The following TRIM45 variants were observed in gnomAD, a reference collection of about 807,000 sequenced individuals.
TRIM45 encodes tripartite motif containing 45.
In TRIM45, 45 loss-of-function variants were observed where a neutral mutation model predicts 46.7. The ratio of observed to expected loss-of-function variants is 0.96; its 90% CI spans 0.76 to 1.24. TRIM45 has a LOEUF of 1.24. TRIM45 is among the 50% of genes most tolerant of loss of function. The pLI, the probability that TRIM45 is intolerant of heterozygous loss-of-function variation, is 0.00. For synonymous variants in TRIM45, 259 were observed against 285.8 expected (o/e 0.91, Z 0.94); for missense variants, 680 against 728.4 (o/e 0.93, Z 0.77).
chr1:117,122,061 G>T (rs1170933494), upstream of TRIM45: 2 of 441,718 alleles, frequency 4.5e-6, no homozygotes, highest in Non-Finnish European at 4.0e-6. Flanking sequence ...GACCAGAGAG[G>T]CCTCAGGACC....
chr1:117,121,296 G>A lies in TRIM45; in HGVS notation c.-95C>T. The A allele has an allele frequency of 7.0e-7, 1 of 1,435,720 alleles. No individual in the cohort carries two copies. The highest frequency in any genetic ancestry group is 9.3e-7 in the Non-Finnish European group (1 of 1,078,670). The allele number at this position is 1,435,720 out of a possible 1,614,324, so 88.9% of individuals were successfully genotyped here. A position where few individuals can be genotyped will look rare whatever the true frequency, so the allele number is the denominator to read the frequency against. On this transcript the variant is annotated 5_prime_UTR_variant, in exon 1 of 6. Transcript: ENST00000256649. This position sits in a 1 kb window ranked among gnomAD's most constrained non-coding sequence, Gnocchi z 4.2. ...AGCCCACCCAAAGAGAAAGTCTCCAGAACTTGAACAGAGACCATGGGGACT... is the reference window on the plus strand; with the variant it reads ...AGCCCACCCAAAGAGAAAGTCTCCAAAACTTGAACAGAGACCATGGGGACT...
In TRIM45 at chr1:117,116,704, GGGTGAAAGA is replaced by G. The variant is rs1311419296; in HGVS notation, c.1255_1263del (p.Ser419_Thr421del). On this transcript the variant is annotated inframe_deletion, in exon 3 of 6. Coordinates refer to ENST00000256649, the MANE Select transcript of TRIM45 (RefSeq NM_025188.4). The surrounding 1 kb of genome is among the most constrained non-coding windows in gnomAD (Gnocchi z 4.6). ...TCTCCTGCGGCATCCTTACAAAGCAGGGTGAAAGAGGCCGTCTGTTTCTCCCGGGCTCTG... is the reference window on the plus strand; with the variant it reads ...TCTCCTGCGGCATCCTTACAAAGCAGGGCCGTCTGTTTCTCCCGGGCTCTG... 3 of 1,614,042 alleles carry G rather than the reference GGGTGAAAGA, an allele frequency of 1.9e-6. No homozygotes were observed. The African/African-American group carries it at 4.0e-5, about 22-fold the overall frequency.
chr1:117,121,277 C>T lies in TRIM45; in HGVS notation c.-76G>A. The stretch of plus-strand genomic sequence containing the variant: ...ATTTAGTAGCAGGTGATTAAGCCCA[C>T]CCAAAGAGAAAGTCTCCAGAACTTG... On this transcript the variant is annotated 5_prime_UTR_variant, in exon 1 of 6. It adds an upstream start codon to the 5' untranslated region. Coordinates refer to ENST00000256649, the MANE Select transcript of TRIM45 (RefSeq NM_025188.4). This position sits in a 1 kb window ranked among gnomAD's most constrained non-coding sequence, Gnocchi z 4.2. 3 of 1,483,660 alleles carry T rather than the reference C, an allele frequency of 2.0e-6. No individual in the cohort carries two copies. Among genetic ancestry groups the T allele is most frequent in the Non-Finnish European group, 2.7e-6 (3 of 1,120,934 alleles). The allele number at this position is 1,483,660 out of a possible 1,614,324, so 91.9% of individuals were successfully genotyped here.
At position 117,118,990 on chromosome 1, in the gene TRIM45, A is replaced by T. The variant is rs1322061039; in HGVS notation, c.489-223T>A. 6.6e-6 allele frequency among the ~76,000 whole-genome samples: 1 copy of T among 152,254 alleles called. No individual in the cohort carries two copies. Among genetic ancestry groups the T allele is most frequent in the Admixed American group, 6.5e-5 (1 of 15,282 alleles). On this transcript the variant is annotated intron_variant, in intron 1 of 5. Coordinates refer to ENST00000256649, the MANE Select transcript of TRIM45 (RefSeq NM_025188.4). This position sits in a 1 kb window ranked among gnomAD's most constrained non-coding sequence, Gnocchi z 5.7. ...CTGTTGTATAGAATAACGTGTGAAC[A>T]GACTAGGGCTCTGGCTGGCTACATG...
In TRIM45 at chr1:117,118,244, C is replaced by T. The variant is rs754820049; in HGVS notation, c.1012G>A (p.Gly338Ser). ...VEFTEHLLTS[G>S]SDLEILITKR... ...GTGATGAGGATCTCCAAGTCTGAGC[C>T]GCTGGTCAGCAAGTGCTCGGTGAAC... The change falls in exon 2 of 6, where the codon GGC becomes AGC. Residue 338 changes from glycine (G) to serine (S), a missense_variant. Coordinates refer to ENST00000256649, the MANE Select transcript of TRIM45 (RefSeq NM_025188.4). This position sits in a 1 kb window ranked among gnomAD's most constrained non-coding sequence, Gnocchi z 5.7. 8.7e-6 allele frequency: 14 copies of T among 1,614,156 alleles called. No homozygotes were observed. The highest frequency in any genetic ancestry group is 1.6e-4 in the Middle Eastern group (1 of 6,062).
At position 117,113,205 on chromosome 1, in the gene TRIM45, A is replaced by C. The variant is rs955796765; in HGVS notation, c.1594+154T>G. Among the ~76,000 whole-genome samples, 1 of 152,232 alleles carries C rather than the reference A, an allele frequency of 6.6e-6. No homozygotes were observed. The highest frequency in any genetic ancestry group is 1.5e-5 in the Non-Finnish European group (1 of 68,046). On this transcript the variant is annotated intron_variant, in intron 5 of 5. Coordinates refer to ENST00000256649, the MANE Select transcript of TRIM45 (RefSeq NM_025188.4). The surrounding 1 kb of genome is among the most constrained non-coding windows in gnomAD (Gnocchi z 4.0). Reference sequence around the variant, plus strand: ...TCAGAACAAGGAAGCTTTAAGTGACACTTTTAGAACAGTGGTGTCTCTACA... The same window carrying C: ...TCAGAACAAGGAAGCTTTAAGTGACCCTTTTAGAACAGTGGTGTCTCTACA...
Position 117,113,500 on chromosome 1 carries a change from C to T in TRIM45, c.1468-15G>A. 6.2e-7 allele frequency: 1 copy of T among 1,611,032 alleles called. No homozygotes were observed. Among genetic ancestry groups the T allele is most frequent in the East Asian group, 2.2e-5 (1 of 44,836 alleles). ...AATGGCGAGCCCTGCAGTGTTCAGACCAAAAGCAATGAACAGCATCTTACG... is the reference window on the plus strand; with the variant it reads ...AATGGCGAGCCCTGCAGTGTTCAGATCAAAAGCAATGAACAGCATCTTACG... On this transcript the variant is annotated splice_polypyrimidine_tract_variant and intron_variant, in intron 4 of 5. Coordinates refer to ENST00000256649, the MANE Select transcript of TRIM45 (RefSeq NM_025188.4). The surrounding 1 kb of genome is among the most constrained non-coding windows in gnomAD (Gnocchi z 4.0).
At position 117,121,600 on chromosome 1, in the gene TRIM45, C is replaced by T. The variant is rs995471461; in HGVS notation, c.-399G>A. 2.0e-6 allele frequency: 1 copy of T among 499,024 alleles called. No homozygotes were observed. The highest frequency in any genetic ancestry group is 3.5e-6 in the Non-Finnish European group (1 of 282,418). 30.9% of individuals were successfully genotyped at this position (499,024 alleles called of 1,614,324 possible). A position where few individuals can be genotyped will look rare whatever the true frequency, so the allele number is the denominator to read the frequency against. On this transcript the variant is annotated 5_prime_UTR_variant, in exon 1 of 6. Transcript: ENST00000256649. The surrounding 1 kb of genome is among the most constrained non-coding windows in gnomAD (Gnocchi z 4.2). Reference sequence around the variant, plus strand: ...GCGCGCCACACGCGACAAGCGCCGACCCCACCCGCGCACGATGAGGTAGGG... The same window carrying T: ...GCGCGCCACACGCGACAAGCGCCGATCCCACCCGCGCACGATGAGGTAGGG...
chr1:117,121,750 C>T, upstream of TRIM45: 2 of 669,850 alleles, frequency 3.0e-6, no homozygotes, highest in East Asian at 2.9e-5. This position sits in a 1 kb window ranked among gnomAD's most constrained non-coding sequence, Gnocchi z 4.2. Context: ...GGGCTCTGGC[C>T]CCTCCTCACA....
chr1:117,121,784 G>A, upstream of TRIM45: 1 of 707,540 alleles, frequency 1.4e-6, no homozygotes, highest in Non-Finnish European at 2.6e-6. This position sits in a 1 kb window ranked among gnomAD's most constrained non-coding sequence, Gnocchi z 4.2. Flanking sequence ...GGTCTACTCC[G>A]GCGAGTCCAA....
chr1:117,118,233 C>T lies in TRIM45; in HGVS notation c.1023G>A (p.Leu341=), dbSNP rs747648745. The change falls in exon 2 of 6, where the codon TTG becomes TTA. Residue 341 remains leucine, a synonymous_variant. Transcript: ENST00000256649. This position sits in a 1 kb window ranked among gnomAD's most constrained non-coding sequence, Gnocchi z 5.7. ...CCACCCTCTTGGTGATGAGGATCTCCAAGTCTGAGCCGCTGGTCAGCAAGT... is the reference window on the plus strand; with the variant it reads ...CCACCCTCTTGGTGATGAGGATCTCTAAGTCTGAGCCGCTGGTCAGCAAGT... ...TEHLLTSGSD[L]EILITKRVVV... The T allele has an allele frequency of 6.2e-7, 1 of 1,614,072 alleles. No homozygotes were observed. The highest frequency in any genetic ancestry group is 1.3e-5 in the African/African-American group (1 of 74,918).
chr1:117,120,027 A>G (rs1217124728), intron 1 of TRIM45, among the ~76,000 whole-genome samples: 1 of 152,156 alleles, frequency 6.6e-6, no homozygotes, highest in African/African-American at 2.4e-5. Context: ...AAGAGTACGA[A>G]GGGACAAAAG....
In TRIM45 at chr1:117,116,265, G is replaced by A. The variant is rs1650395255; in HGVS notation, c.1352+351C>T. On this transcript the variant is annotated intron_variant, in intron 3 of 5. Coordinates refer to ENST00000256649, the MANE Select transcript of TRIM45 (RefSeq NM_025188.4). The surrounding 1 kb of genome is among the most constrained non-coding windows in gnomAD (Gnocchi z 4.6). ...TTTTTTTTTTTGGACCTGGGGTCTT[G>A]CTCTGTTGCCCAGGCTGGAGTGCAC... 6.7e-6 allele frequency among the ~76,000 whole-genome samples: 1 copy of A among 148,880 alleles called. No homozygotes were observed.
rs1314932556 is a variant in TRIM45 at position 117,117,767 on chromosome 1, A to C, written c.1222+267T>G. On this transcript the variant is annotated intron_variant, in intron 2 of 5. Coordinates refer to ENST00000256649, the MANE Select transcript of TRIM45 (RefSeq NM_025188.4). This position sits in a 1 kb window ranked among gnomAD's most constrained non-coding sequence, Gnocchi z 4.9. ...TGTCTCTGTTCTGCCATCTGATAGAAACAAAACATGATCTGTGTGTTTCTC... is the reference window on the plus strand; with the variant it reads ...TGTCTCTGTTCTGCCATCTGATAGACACAAAACATGATCTGTGTGTTTCTC... 6.6e-6 allele frequency among the ~76,000 whole-genome samples: 1 copy of C among 152,170 alleles called. No individual in the cohort carries two copies. Among genetic ancestry groups the C allele is most frequent in the Non-Finnish European group, 1.5e-5 (1 of 68,022 alleles).
rs773911754 is a variant in TRIM45 at position 117,115,566 on chromosome 1, C to T, written c.1467+9G>A. ...AGGGAGCTCAGGGAAGCACGTGCACCAGTCTTACCTGCACATGCTGTTCTT... is the reference window on the plus strand; with the variant it reads ...AGGGAGCTCAGGGAAGCACGTGCACTAGTCTTACCTGCACATGCTGTTCTT... On this transcript the variant is annotated intron_variant, in intron 4 of 5. Coordinates refer to ENST00000256649, the MANE Select transcript of TRIM45 (RefSeq NM_025188.4). This position sits in a 1 kb window ranked among gnomAD's most constrained non-coding sequence, Gnocchi z 4.2. 2.5e-6 allele frequency: 4 copies of T among 1,599,592 alleles called. No homozygotes were observed. Among genetic ancestry groups the T allele is most frequent in the Non-Finnish European group, 8.6e-7 (1 of 1,166,982 alleles).
rs1244086919 is a variant in TRIM45, at chr1:117,111,608, G to T, written c.*697C>A. The T allele has an allele frequency of 6.6e-6, 1 of 152,036 alleles. No homozygotes were observed. Among genetic ancestry groups the T allele is most frequent in the Non-Finnish European group, 1.5e-5 (1 of 68,018 alleles). The allele number at this position is 152,036 out of a possible 1,614,324, so 9.4% of individuals were successfully genotyped here. ...TGAAAGGAGGTTTCTAATCTCTAGG[G>T]GAAATATCTAAATAATGTGTAGCTC... On this transcript the variant is annotated 3_prime_UTR_variant, in exon 6 of 6. Transcript: ENST00000256649.
In TRIM45 at chr1:117,116,801, C is replaced by T; in HGVS notation, c.1223-56G>A. The T allele has an allele frequency of 6.2e-7, 1 of 1,605,730 alleles. No homozygotes were observed. Among genetic ancestry groups the T allele is most frequent in the Non-Finnish European group, 8.5e-7 (1 of 1,174,424 alleles). ...CGAATGTAAACTGCAGTGACTACATCTCCATCTTGCTTTTTCTCTTCAGAA... is the reference window on the plus strand; with the variant it reads ...CGAATGTAAACTGCAGTGACTACATTTCCATCTTGCTTTTTCTCTTCAGAA... On this transcript the variant is annotated intron_variant, in intron 2 of 5. Coordinates refer to ENST00000256649, the MANE Select transcript of TRIM45 (RefSeq NM_025188.4). The surrounding 1 kb of genome is among the most constrained non-coding windows in gnomAD (Gnocchi z 4.6).
chr1:117,121,241 G>T lies in TRIM45; in HGVS notation c.-40C>A. The T allele has an allele frequency of 6.6e-7, 1 of 1,507,358 alleles. No individual in the cohort carries two copies. The highest frequency in any genetic ancestry group is 8.8e-7 in the Non-Finnish European group (1 of 1,137,192). The allele number at this position is 1,507,358 out of a possible 1,614,324, so 93.4% of individuals were successfully genotyped here. A position where few individuals can be genotyped will look rare whatever the true frequency, so the allele number is the denominator to read the frequency against. The stretch of plus-strand genomic sequence containing the variant: ...TGACCAATATTAGAAAGGGCCCTGG[G>T]CAGTTCTACGATTTAGTAGCAGGTG... On this transcript the variant is annotated 5_prime_UTR_variant, in exon 1 of 6. Coordinates refer to ENST00000256649, the MANE Select transcript of TRIM45 (RefSeq NM_025188.4). The surrounding 1 kb of genome is among the most constrained non-coding windows in gnomAD (Gnocchi z 4.2).
rs1650210775 is a variant in TRIM45, at chr1:117,111,607, G to C, written c.*698C>G. 6.6e-6 allele frequency: 1 copy of C among 152,084 alleles called. No homozygotes were observed. The highest frequency in any genetic ancestry group is 2.4e-5 in the African/African-American group (1 of 41,412). 9.4% of individuals were successfully genotyped at this position (152,084 alleles called of 1,614,324 possible). ...ATGAAAGGAGGTTTCTAATCTCTAG[G>C]GGAAATATCTAAATAATGTGTAGCT... On this transcript the variant is annotated 3_prime_UTR_variant, in exon 6 of 6. Transcript: ENST00000256649.
Sources: allele counts gnomAD v4.1 joint callset (sites outside exome capture counted in the v4.1 genomes callset), GRCh38; gene constraint gnomAD v4.1.1; non-coding constraint Gnocchi (gnomAD v3.1); transcripts MANE v1.5; gene names NCBI Gene and HGNC (gene_info 2026-07-23, HGNC 2026-07-21).